SCFD1: variants seen among roughly 807,000 people sequenced by gnomAD.
SCFD1 encodes sec1 family domain-containing protein 1.
SCFD1 carries 37 observed loss-of-function variants against 103.2 expected under a neutral mutation model. That is an observed-to-expected ratio of 0.36 (90% CI 0.28 to 0.47). The LOEUF (loss-of-function observed/expected upper bound fraction) is 0.47. Ranked by LOEUF, SCFD1 falls within the 20% of genes least tolerant of loss-of-function variation. The pLI, the probability that SCFD1 is intolerant of heterozygous loss-of-function variation, is 1.00. For missense variants in SCFD1, 639 were observed against 761.2 expected (o/e 0.84, Z 1.89); for synonymous variants, 264 against 245.0 (o/e 1.08, Z -0.73).
intron 14 of SCFD1, among the ~76,000 whole-genome samples, chr14:30,677,613 A>C (rs963954131): frequency 3.7e-5 from 5 of 136,300 alleles, no homozygotes; most frequent in Non-Finnish European, 6.1e-5. Flanking sequence ...CATTATTCCT[A>C]GTTACAGAAT....
rs181852992 is a variant in SCFD1 at position 30,670,771 on chromosome 14, C to A, written c.995+376C>A. Among the ~76,000 whole-genome samples the A allele has an allele frequency of 8.0e-4, 122 of 152,106 alleles. 1 individual carries two copies. In the East Asian group the frequency reaches 0.016, roughly 20 times the overall value. ...TTGTTACATGTTGCCCTCATGTAAA[C>A]CTTGTTTTAGATACTTGTGGAGAGA... is the stretch of plus-strand genomic sequence containing the variant. On this transcript the variant is annotated intron_variant, in intron 11 of 24. Transcript: ENST00000458591.
At chr14:30,657,822 T>G (rs759556887) in intron 10 of SCFD1, among the ~76,000 whole-genome samples, 1 of 152,244 alleles carries the variant, frequency 6.6e-6, no homozygotes, top group Non-Finnish European at 1.5e-5. Flanking sequence ...GTTTACTTTT[T>G]ATATTAAATG....
At chr14:30,644,439 T>C (rs1885601893) in intron 7 of SCFD1, among the ~76,000 whole-genome samples, 1 of 152,242 alleles carries the variant, frequency 6.6e-6, no homozygotes, top group Admixed American at 6.5e-5. Flanking sequence ...CTTTCCACAG[T>C]GGCTGAACTA....
rs576398516 is a variant in SCFD1, at chr14:30,667,016, G to A, written c.856-3240G>A. Among the ~76,000 whole-genome samples, 8 of 152,186 alleles carry A rather than the reference G, an allele frequency of 5.3e-5. No homozygotes were observed. In the South Asian group the frequency reaches 1.0e-3, roughly 20 times the overall value. Reference sequence around the variant, plus strand: ...TACCATTCCTTCTGAAACTATTCCAGTCAATAGAAGAAGAGGGAATCCTCC... The same window carrying A: ...TACCATTCCTTCTGAAACTATTCCAATCAATAGAAGAAGAGGGAATCCTCC... On this transcript the variant is annotated intron_variant, in intron 10 of 24. Coordinates refer to ENST00000458591, the MANE Select transcript of SCFD1 (RefSeq NM_016106.4).
intron 19 of SCFD1, 53 bp downstream of exon 19, chr14:30,708,118 C>T: frequency 8.8e-7 from 1 of 1,139,054 alleles, no homozygotes; most frequent in Non-Finnish European, 1.3e-6. Flanking sequence ...TAAATGTTGA[C>T]AGGCTAACTG....
intron 23 of SCFD1, among the ~76,000 whole-genome samples, chr14:30,725,003 C>G (rs891746010): frequency 2.6e-5 from 4 of 151,622 alleles, no homozygotes; most frequent in South Asian, 2.1e-4. Flanking sequence ...GGTATGCAGT[C>G]TTATTTCTTG....
chr14:30,694,922 C>T (rs1890589780), intron 15 of SCFD1, 53 bp downstream of exon 15: 8 of 1,547,582 alleles, frequency 5.2e-6, no homozygotes, highest in Non-Finnish European at 6.1e-6. Flanking sequence ...ACGAAAGCAG[C>T]ATTTTCAATT....
intron 15 of SCFD1, among the ~76,000 whole-genome samples, chr14:30,695,606 T>C (rs1484946614): frequency 6.6e-6 from 1 of 152,150 alleles, no homozygotes; most frequent in Non-Finnish European, 1.5e-5. Context: ...CAGTGGTTCA[T>C]ACCTGTAATC....
At chr14:30,679,301 G>T (rs1241809048) in intron 14 of SCFD1, among the ~76,000 whole-genome samples, 1 of 151,686 alleles carries the variant, frequency 6.6e-6, no homozygotes, top group Non-Finnish European at 1.5e-5. Flanking sequence ...AGTATGAAAA[G>T]ATTGTTTCTA....
intron 10 of SCFD1, among the ~76,000 whole-genome samples, chr14:30,661,601 T>C (rs1887456336): frequency 6.6e-6 from 1 of 152,156 alleles, no homozygotes; most frequent in Non-Finnish European, 1.5e-5. Context: ...GGAAATTGTT[T>C]ATTGGTTGTG....
chr14:30,667,533 A>G (rs1190100258), intron 10 of SCFD1, among the ~76,000 whole-genome samples: 1 of 152,206 alleles, frequency 6.6e-6, no homozygotes, highest in Non-Finnish European at 1.5e-5. Flanking sequence ...CTTATTCAAC[A>G]TAGTGTTGGA....
At chr14:30,673,848 A>T (rs1888776045) in intron 12 of SCFD1, 76 bp from the exon 13 acceptor site, 1 of 993,516 alleles carries the variant, frequency 1.0e-6, no homozygotes, top group African/African-American at 1.6e-5. Context: ...TATTTGCTCC[A>T]ATCTTAGGAT....
chr14:30,628,133 G>C (rs1160201623), intron 1 of SCFD1, 76 bp from the exon 2 acceptor site: 1 of 982,460 alleles, frequency 1.0e-6, no homozygotes, highest in African/African-American at 1.6e-5. Context: ...TTTGCTTTGG[G>C]GTAGTGAATG....
chr14:30,663,195 A>G (rs73251188), intron 10 of SCFD1, among the ~76,000 whole-genome samples: 2,527 of 152,276 alleles, frequency 0.017, 89 homozygotes, highest in African/African-American at 0.057. Flanking sequence ...TACTTCAGTA[A>G]TAACATGCTT....
intron 14 of SCFD1, among the ~76,000 whole-genome samples, chr14:30,684,979 GTCCCCAGAGTGTGATAT>G (rs1889868217): frequency 2.7e-5 from 2 of 73,316 alleles, no homozygotes; most frequent in African/African-American, 1.3e-4. Context: ...CCCCACCACA[GTCCCCAGAGTGTGATAT>G]TCCCCTTCCT....
intron 5 of SCFD1, 83 bp from the exon 6 acceptor site, chr14:30,639,694 T>C: frequency 3.0e-6 from 4 of 1,343,508 alleles, no homozygotes; most frequent in Middle Eastern, 2.7e-4. Flanking sequence ...ATTTCTACCA[T>C]TGGTAGGTTA....
At chr14:30,695,978 C>T (rs1395048442) in intron 15 of SCFD1, among the ~76,000 whole-genome samples, 1 of 152,148 alleles carries the variant, frequency 6.6e-6, no homozygotes, top group Non-Finnish European at 1.5e-5. Flanking sequence ...TACATAGAGT[C>T]TTAGTCTCTG....
intron 14 of SCFD1, chr14:30,682,961 A>C: frequency 1.7e-6 from 1 of 604,236 alleles, no homozygotes; most frequent in Non-Finnish European, 2.8e-6. Context: ...CATGATACAG[A>C]GTCTATACAG....
chr14:30,643,298 T>C lies in SCFD1; in HGVS notation c.524-18T>C. The C allele has an allele frequency of 1.3e-6, 2 of 1,549,238 alleles. No individual in the cohort carries two copies. The highest frequency in any genetic ancestry group is 2.2e-5 in the South Asian group (2 of 89,440). On this transcript the variant is annotated intron_variant, in intron 6 of 24. Transcript: ENST00000458591. ...TAAGTTTGGGTCAACTTTTTCTCCT[T>C]TTCCTATGTCATTTTAGCCATTAAC...
Sources: allele counts gnomAD v4.1 joint callset (sites outside exome capture counted in the v4.1 genomes callset), GRCh38; gene constraint gnomAD v4.1.1; transcripts MANE v1.5; gene names NCBI Gene and HGNC (gene_info 2026-07-23, HGNC 2026-07-21).